Variants in FOXP1 observed in about 807,000 individuals in gnomAD.
The protein encoded by FOXP1 is forkhead box P1.
FOXP1 carries 15 observed loss-of-function variants against 98.2 expected under a neutral mutation model. The ratio of observed to expected loss-of-function variants is 0.15; its 90% CI spans 0.10 to 0.24. The LOEUF (loss-of-function observed/expected upper bound fraction) is 0.24, where lower values mean the gene tolerates loss of function less well. Ranked by LOEUF, FOXP1 falls within the 10% of genes least tolerant of loss-of-function variation. The pLI is 1.00. For synonymous variants in FOXP1, 371 were observed against 314.5 expected (o/e 1.18, Z -1.90); for missense variants, 633 against 848.5 (o/e 0.75, Z 3.15).
At chr3:71,579,455 CA>C (rs2047977505) in intron 2 of FOXP1, among the ~76,000 whole-genome samples, 1 of 152,012 alleles carries the variant, frequency 6.6e-6, no homozygotes, top group Non-Finnish European at 1.5e-5. Flanking sequence ...AGACAACAAG[CA>C]AGGACAAGTT....
chr3:71,498,904 T>C (rs954342732), intron 2 of FOXP1, among the ~76,000 whole-genome samples: 2 of 152,252 alleles, frequency 1.3e-5, no homozygotes, highest in Non-Finnish European at 2.9e-5. Context: ...ACCAGTGCTC[T>C]AAAGCTAGAG....
intron 3 of FOXP1, among the ~76,000 whole-genome samples, chr3:71,392,866 G>C (rs1363472963): frequency 6.6e-6 from 1 of 152,096 alleles, no homozygotes; most frequent in African/African-American, 2.4e-5. Context: ...TTACCGTTTG[G>C]AAGGGATTAA....
chr3:71,176,985 C>T (rs536076627), intron 6 of FOXP1, among the ~76,000 whole-genome samples: 3 of 151,844 alleles, frequency 2.0e-5, no homozygotes, highest in Middle Eastern at 7.0e-3. Context: ...ATCAATGGAA[C>T]CTGGGAGGCG....
chr3:71,450,479 G>T (rs901170805), intron 3 of FOXP1, among the ~76,000 whole-genome samples: 3 of 152,158 alleles, frequency 2.0e-5, no homozygotes, highest in African/African-American at 4.8e-5. Context: ...ATTTGTGTAC[G>T]ATTTTGTATG....
chr3:71,195,866 T>TCTAATTGTC (rs1266470982), intron 6 of FOXP1, among the ~76,000 whole-genome samples: 2 of 152,208 alleles, frequency 1.3e-5, no homozygotes, highest in Non-Finnish European at 2.9e-5. Context: ...CTCCAAACTG[T>TCTAATTGTC]CTAATTGTCG....
At chr3:71,556,747 A>G (rs1422452411) in intron 2 of FOXP1, among the ~76,000 whole-genome samples, 1 of 152,074 alleles carries the variant, frequency 6.6e-6, no homozygotes, top group African/African-American at 2.4e-5. Context: ...AGTCAAGAGA[A>G]TATCAATGTT....
chr3:71,185,785 C>T (rs2062610082), intron 6 of FOXP1, among the ~76,000 whole-genome samples: 1 of 152,154 alleles, frequency 6.6e-6, no homozygotes, highest in South Asian at 2.1e-4. Context: ...GAAGCCAAAC[C>T]CATATAGTTC....
At chr3:71,127,969 CATGAAAGT>C (rs2059329938) in intron 6 of FOXP1, among the ~76,000 whole-genome samples, 1 of 152,186 alleles carries the variant, frequency 6.6e-6, no homozygotes, top group Non-Finnish European at 1.5e-5. Context: ...GGGCAATACT[CATGAAAGT>C]TGCACTGTAT....
intron 3 of FOXP1, among the ~76,000 whole-genome samples, chr3:71,468,168 A>G (rs1484174000): frequency 6.6e-6 from 1 of 152,146 alleles, no homozygotes; most frequent in African/African-American, 2.4e-5. Context: ...GGTGAGATAA[A>G]AATACCTGTC....
rs1425919889 is a variant in FOXP1, at chr3:71,465,336, G to A, written c.-168+28090C>T. The stretch of plus-strand genomic sequence containing the variant: ...AAAAAAAAAAAAAAAAGAAGAAGAA[G>A]AAGAAGAAGAAGAAGAGGGCCAGGC... On this transcript the variant is annotated intron_variant, in intron 3 of 20. Transcript: ENST00000649528. 1.9e-3 allele frequency among the ~76,000 whole-genome samples: 286 copies of A among 149,320 alleles called. 1 individual carries two copies. Among genetic ancestry groups the A allele is most frequent in the African/African-American group, 6.9e-3 (277 of 40,388 alleles).
intron 9 of FOXP1, among the ~76,000 whole-genome samples, chr3:71,050,343 C>T (rs1193283841): frequency 6.6e-6 from 1 of 152,162 alleles, no homozygotes; most frequent in African/African-American, 2.4e-5. Context: ...CTATGTCTCA[C>T]AGACCAAATA....
chr3:71,216,622 G>A (rs950399835), intron 5 of FOXP1, among the ~76,000 whole-genome samples: 7 of 152,120 alleles, frequency 4.6e-5, no homozygotes, highest in Non-Finnish European at 1.0e-4. Context: ...ACCACTAGCA[G>A]CTTGGTAAGC....
At chr3:70,981,669 G>A (rs2038893836) in intron 14 of FOXP1, among the ~76,000 whole-genome samples, 3 of 152,214 alleles carry the variant, frequency 2.0e-5, no homozygotes, top group Admixed American at 2.0e-4. Context: ...TAGAGGAAGA[G>A]GGTGGCTGAG....
chr3:71,395,100 C>CAA (rs10543398), intron 3 of FOXP1, among the ~76,000 whole-genome samples: 812 of 62,890 alleles, frequency 0.013, 1 homozygote, highest in East Asian at 0.015. Flanking sequence ...AACCCCGTCA[C>CAA]AAAAAAAAAA....
intron 6 of FOXP1, among the ~76,000 whole-genome samples, chr3:71,176,962 T>G (rs1018341393): frequency 1.3e-5 from 2 of 151,124 alleles, no homozygotes; most frequent in Admixed American, 1.3e-4. Context: ...ACTAAGGAGT[T>G]TGAGGCAAGA....
At chr3:70,964,604 T>A (rs1422835175) in intron 20 of FOXP1, among the ~76,000 whole-genome samples, 1 of 152,218 alleles carries the variant, frequency 6.6e-6, no homozygotes, top group Non-Finnish European at 1.5e-5. Context: ...TTAAGATGAA[T>A]ACAAATGTGG....
At chr3:71,111,674 C>G (rs141398979) in intron 7 of FOXP1, among the ~76,000 whole-genome samples, 2,043 of 152,292 alleles carry the variant, frequency 0.013, 51 homozygotes, top group African/African-American at 0.047. Context: ...GCTGGGATTA[C>G]AGGCGTGAGC....
intron 13 of FOXP1, among the ~76,000 whole-genome samples, chr3:70,996,736 G>A (rs1255298184): frequency 6.6e-6 from 1 of 152,126 alleles, no homozygotes; most frequent in Non-Finnish European, 1.5e-5. Flanking sequence ...CTCTAGGTTA[G>A]ACATCCTGAA....
chr3:71,495,527 T>A (rs1240210442), intron 2 of FOXP1, among the ~76,000 whole-genome samples: 8 of 152,238 alleles, frequency 5.3e-5, no homozygotes, highest in Non-Finnish European at 8.8e-5. Context: ...AACTTTTCGG[T>A]ACTCTCTAAA....
Sources: allele counts gnomAD v4.1 joint callset (sites outside exome capture counted in the v4.1 genomes callset), GRCh38; gene constraint gnomAD v4.1.1; transcripts MANE v1.5; gene names NCBI Gene and HGNC (gene_info 2026-07-23, HGNC 2026-07-21).